PPP2R5E: variants seen among roughly 807,000 people sequenced by gnomAD.
PPP2R5E encodes the protein protein phosphatase 2 regulatory subunit B'epsilon.
Under a neutral mutation model 65.3 loss-of-function variants are expected in PPP2R5E, and 4 were observed. The ratio of observed to expected loss-of-function variants is 0.06; its 90% CI spans 0.03 to 0.14. The LOEUF is 0.14. Ranked by LOEUF, PPP2R5E falls within the 10% of genes least tolerant of loss-of-function variation. The pLI, the probability that PPP2R5E is intolerant of heterozygous loss-of-function variation, is 1.00. For missense variants in PPP2R5E, 274 were observed against 556.1 expected, an observed-to-expected ratio of 0.49 and a Z score of 5.10; for synonymous variants, 183 against 187.4, an observed-to-expected ratio of 0.98 and a Z score of 0.19.
At chr14:63,542,236 C>T (rs1893930420) in intron 1 of PPP2R5E, among the ~76,000 whole-genome samples, 1 of 152,174 alleles carries the variant, frequency 6.6e-6, no homozygotes, top group South Asian at 2.1e-4. Flanking sequence ...CGTAAGGTAA[C>T]AGCGGGTCCG....
intron 3 of PPP2R5E, among the ~76,000 whole-genome samples, chr14:63,424,043 G>A (rs1887189028): frequency 6.6e-6 from 1 of 152,212 alleles, no homozygotes; most frequent in Non-Finnish European, 1.5e-5. Flanking sequence ...TAGGCAGGAA[G>A]AGGACAAGTT....
chr14:63,379,624 G>A (rs1324022336), intron 13 of PPP2R5E, among the ~76,000 whole-genome samples: 1 of 152,078 alleles, frequency 6.6e-6, no homozygotes, highest in East Asian at 1.9e-4. Context: ...TAATATGCCA[G>A]AATATCATAA....
At chr14:63,379,564 G>A (rs928078351) in intron 13 of PPP2R5E, among the ~76,000 whole-genome samples, 1 of 152,142 alleles carries the variant, frequency 6.6e-6, no homozygotes, top group Non-Finnish European at 1.5e-5. Context: ...GAGCCACTAC[G>A]CCTGGCCCCC....
At position 63,389,479 on chromosome 14, in the gene PPP2R5E, T is replaced by C. The variant is rs913732494; in HGVS notation, c.1074+133A>G. On this transcript the variant is annotated intron_variant, in intron 11 of 13. Coordinates refer to ENST00000337537, the MANE Select transcript of PPP2R5E (RefSeq NM_006246.5). ...AGTGCTCAAGATAAGCTGGCCACTA[T>C]TAAAATTATCATCATGTGAGGGGAT... The C allele has an allele frequency of 1.2e-4, 129 of 1,096,354 alleles. 1 individual carries two copies. Among genetic ancestry groups the C allele is most frequent in the Non-Finnish European group, 2.0e-5 (16 of 802,630 alleles). 67.9% of individuals were successfully genotyped at this position (1,096,354 alleles called of 1,614,324 possible). A position where few individuals can be genotyped will look rare whatever the true frequency, so the allele number is the denominator to read the frequency against.
chr14:63,531,005 T>C (rs1415081800), intron 2 of PPP2R5E, among the ~76,000 whole-genome samples: 1 of 152,194 alleles, frequency 6.6e-6, no homozygotes, highest in East Asian at 1.9e-4. Flanking sequence ...AAATGTATAT[T>C]CCTTCCTAAA....
At chr14:63,466,532 G>A (rs1460836357) in intron 2 of PPP2R5E, among the ~76,000 whole-genome samples, 1 of 152,178 alleles carries the variant, frequency 6.6e-6, no homozygotes, top group Non-Finnish European at 1.5e-5. Flanking sequence ...CCCTAATTGT[G>A]AAGCTCTCCC....
intron 3 of PPP2R5E, among the ~76,000 whole-genome samples, chr14:63,424,587 T>G (rs1887226740): frequency 6.6e-6 from 1 of 151,936 alleles, no homozygotes; most frequent in Non-Finnish European, 1.5e-5. Context: ...CCGTCTCTAC[T>G]AAAAATACAA....
At chr14:63,518,901 A>G (rs1265974523) in intron 2 of PPP2R5E, among the ~76,000 whole-genome samples, 1 of 152,084 alleles carries the variant, frequency 6.6e-6, no homozygotes, top group Non-Finnish European at 1.5e-5. Flanking sequence ...TTTCACTTAA[A>G]AAAATTAAAA....
intron 11 of PPP2R5E, among the ~76,000 whole-genome samples, chr14:63,387,733 C>A (rs544080506): frequency 6.6e-6 from 1 of 152,094 alleles, no homozygotes; most frequent in Non-Finnish European, 1.5e-5. Context: ...AGTCCTAATC[C>A]CCAACGTGAC....
At chr14:63,482,641 G>A (rs540454227) in intron 2 of PPP2R5E, among the ~76,000 whole-genome samples, 6 of 152,252 alleles carry the variant, frequency 3.9e-5, no homozygotes, top group East Asian at 3.9e-4. Context: ...GGCTGACTCC[G>A]ACATCTGAAA....
chr14:63,505,220 G>A (rs537193276), intron 2 of PPP2R5E, among the ~76,000 whole-genome samples: 2 of 152,180 alleles, frequency 1.3e-5, no homozygotes, highest in South Asian at 2.1e-4. Flanking sequence ...CCCAGCAGCC[G>A]AGGCTGCAAT....
intron 2 of PPP2R5E, among the ~76,000 whole-genome samples, chr14:63,512,499 T>C (rs1333594264): frequency 6.6e-6 from 1 of 152,248 alleles, no homozygotes; most frequent in African/African-American, 2.4e-5. Context: ...ATCATTTTTC[T>C]TCTCAGTAGT....
chr14:63,536,714 C>G (rs1893679214), intron 2 of PPP2R5E, among the ~76,000 whole-genome samples: 6 of 152,158 alleles, frequency 3.9e-5, no homozygotes, highest in Non-Finnish European at 8.8e-5. Context: ...ATTCTGACAC[C>G]TGCTACAACA....
chr14:63,506,355 G>A (rs1892176683), intron 2 of PPP2R5E, among the ~76,000 whole-genome samples: 1 of 152,176 alleles, frequency 6.6e-6, no homozygotes, highest in African/African-American at 2.4e-5. Flanking sequence ...GGAGGCTGAG[G>A]CAGGAGAATG....
chr14:63,393,959 A>G, intron 7 of PPP2R5E, 31 bp from the exon 8 acceptor site: 2 of 1,293,928 alleles, frequency 1.5e-6, no homozygotes, highest in Middle Eastern at 1.8e-4. Context: ...CAAATTAGCA[A>G]TGTTACCACA....
At chr14:63,471,210 A>G (rs1890111749) in intron 2 of PPP2R5E, among the ~76,000 whole-genome samples, 1 of 152,224 alleles carries the variant, frequency 6.6e-6, no homozygotes, top group African/African-American at 2.4e-5. Context: ...TTATGTATAG[A>G]TTGTTCATAG....
At chr14:63,450,540 T>C (rs1888764335) in intron 3 of PPP2R5E, among the ~76,000 whole-genome samples, 1 of 152,222 alleles carries the variant, frequency 6.6e-6, no homozygotes, top group South Asian at 2.1e-4. Flanking sequence ...TTTTGGATTA[T>C]GCTAAACACT....
rs114600872 is a variant in PPP2R5E at position 63,496,105 on chromosome 14, T to A, written c.158-42220A>T. Among the ~76,000 whole-genome samples, 143 of 152,256 alleles carry A rather than the reference T, an allele frequency of 9.4e-4. 1 individual carries two copies. Among genetic ancestry groups the A allele is most frequent in the African/African-American group, 2.9e-3 (119 of 41,572 alleles). ...ATTTTTTTTGTTAAATATCACTACT[T>A]CTATAAATCATGCTTTGTGGATTAT... On this transcript the variant is annotated intron_variant, in intron 2 of 13. Transcript: ENST00000337537.
In PPP2R5E at chr14:63,453,883, C is replaced by T. The variant is rs777853785; in HGVS notation, c.160G>A (p.Val54Ile). 6.3e-6 allele frequency: 9 copies of T among 1,419,698 alleles called. No homozygotes were observed. The highest frequency in any genetic ancestry group is 1.8e-5 in the South Asian group (1 of 55,786). The allele number at this position is 1,419,698 out of a possible 1,614,324, so 87.9% of individuals were successfully genotyped here. The part of the protein sequence containing the change: ...ELTPLPLLKD[V>I]PSSEQPELFL... ...AGTTCAGGCTGCTCTGAGGATGGAA[C>T]GTCTAAGAAAAAAAAAGGAAATGGT... Residue 54 changes from valine to isoleucine, a missense_variant and splice_region_variant, in exon 3 of 14, where the codon GTT (valine) becomes ATT (isoleucine). Physicochemically the swap from Val to Ile is conservative, Grantham distance 29. Transcript: ENST00000337537.
Sources: gnomAD v4.1 joint callset for allele counts (sites outside exome capture counted in the v4.1 genomes callset) on GRCh38, gnomAD v4.1.1 for gene constraint, MANE v1.5 for transcripts, NCBI Gene and HGNC (gene_info 2026-07-23, HGNC 2026-07-21) for gene names.